Variants in MTHFD2L observed in about 807,000 individuals in gnomAD.
The protein encoded by MTHFD2L is methylenetetrahydrofolate dehydrogenase (NADP+ dependent) 2 like.
In MTHFD2L, 29 loss-of-function variants were observed where a neutral mutation model predicts 34.9. That is an observed-to-expected ratio of 0.83 (90% CI 0.62 to 1.13). MTHFD2L has a LOEUF of 1.13. Among genes scored for constraint, MTHFD2L ranks in the 50% most tolerant of loss-of-function variants. The pLI is 0.00. For synonymous variants in MTHFD2L, 167 were observed against 155.7 expected, an observed-to-expected ratio of 1.07 and a Z score of -0.54; for missense variants, 481 against 446.5, an observed-to-expected ratio of 1.08 and a Z score of -0.70.
chr4:74,266,806 C>T, intron 6 of MTHFD2L: 1 of 973,742 alleles, frequency 1.0e-6, no homozygotes, highest in African/African-American at 1.8e-5. Flanking sequence ...TGCTAGAATG[C>T]TTAAAGGTTG....
intron 3 of MTHFD2L, among the ~76,000 whole-genome samples, chr4:74,188,582 A>C (rs1480271548): frequency 6.6e-6 from 1 of 151,992 alleles, no homozygotes; most frequent in Non-Finnish European, 1.5e-5. Context: ...AGCTGAGGGG[A>C]TAGGAAAGAG....
intron 1 of MTHFD2L, chr4:74,158,508 A>G (rs1578278157): frequency 6.0e-6 from 1 of 166,134 alleles, no homozygotes; most frequent in South Asian, 2.0e-4. Context: ...CTCTCGCACC[A>G]GAATGTTCCA....
At chr4:74,209,735 A>T (rs1735979983) in intron 5 of MTHFD2L, among the ~76,000 whole-genome samples, 1 of 152,092 alleles carries the variant, frequency 6.6e-6, no homozygotes, top group Non-Finnish European at 1.5e-5. Context: ...GGGTCAAATG[A>T]TATTTCTGGT....
At chr4:74,150,569 A>C in intron 1 of MTHFD2L, among the ~76,000 whole-genome samples, 1 of 152,228 alleles carries the variant, frequency 6.6e-6, no homozygotes. Flanking sequence ...TGTATTATTT[A>C]AACCACTAAA....
At chr4:74,212,306 G>A (rs367822799) in intron 5 of MTHFD2L, among the ~76,000 whole-genome samples, 1 of 151,900 alleles carries the variant, frequency 6.6e-6, no homozygotes, top group African/African-American at 2.4e-5. Flanking sequence ...TTTTAGATCT[G>A]TCCCACTTTC....
intron 6 of MTHFD2L, among the ~76,000 whole-genome samples, chr4:74,229,289 G>A (rs1055670527): frequency 2.0e-5 from 3 of 152,116 alleles, no homozygotes; most frequent in African/African-American, 7.2e-5. Context: ...CATATAACCA[G>A]ACAATAGGAA....
chr4:74,161,232 G>A (rs547196598), intron 1 of MTHFD2L: 7 of 152,222 alleles, frequency 4.6e-5, no homozygotes, highest in East Asian at 3.9e-4. Context: ...AAGTATTCAC[G>A]TCTTTTACCG....
chr4:74,172,382 G>A (rs1239086326), intron 1 of MTHFD2L, among the ~76,000 whole-genome samples: 1 of 152,076 alleles, frequency 6.6e-6, no homozygotes, highest in Non-Finnish European at 1.5e-5. Flanking sequence ...TAAGACAGCA[G>A]AACAAGATTA....
At chr4:74,268,078 A>C in intron 6 of MTHFD2L, 1 of 985,098 alleles carries the variant, frequency 1.0e-6, no homozygotes, top group South Asian at 4.7e-5. Context: ...AAGAAAAAGA[A>C]CAGGAAATGT....
At chr4:74,158,083 G>A (rs1183793875), upstream of MTHFD2L, 6 of 1,532,138 alleles carry the variant, frequency 3.9e-6, no homozygotes, top group South Asian at 6.0e-5. Flanking sequence ...CTCCAGCCGC[G>A]AGGACTGGAG....
chr4:74,254,424 A>T (rs1743723674), intron 6 of MTHFD2L, among the ~76,000 whole-genome samples: 1 of 152,192 alleles, frequency 6.6e-6, no homozygotes, highest in African/African-American at 2.4e-5. Context: ...CCCGCATAAG[A>T]TTTCTCAGCA....
chr4:74,199,893 A>C lies in MTHFD2L; in HGVS notation c.551A>C (p.His184Pro). The C allele has an allele frequency of 1.2e-6, 2 of 1,614,078 alleles. No individual in the cohort carries two copies. Among genetic ancestry groups the C allele is most frequent in the South Asian group, 2.2e-5 (2 of 91,076 alleles). ...ATTGGAAGATTGTGCCTTGATCAGC[A>C]TTCTCTCATACCTGCCACTGCCAGT... ...INIGRLCLDQ[H>P]SLIPATASAV... Residue 184 changes from histidine (H) to proline (P), a missense_variant, in exon 4 of 8, where the codon CAT (histidine) becomes CCT (proline). His to Pro is a moderately conservative substitution (Grantham distance 77). Transcript: ENST00000325278.
intron 7 of MTHFD2L, among the ~76,000 whole-genome samples, chr4:74,288,692 A>G (rs1473577079): frequency 6.6e-6 from 1 of 152,182 alleles, no homozygotes; most frequent in African/African-American, 2.4e-5. Context: ...GGTTTTGGTG[A>G]AATCCTAGTG....
chr4:74,263,821 G>A (rs1744975753), intron 6 of MTHFD2L, among the ~76,000 whole-genome samples: 1 of 151,706 alleles, frequency 6.6e-6, no homozygotes, highest in African/African-American at 2.4e-5. Context: ...TCTTTCTCTT[G>A]CCTGCATAAT....
At chr4:74,283,935 A>G (rs897200001) in intron 7 of MTHFD2L, among the ~76,000 whole-genome samples, 1 of 152,194 alleles carries the variant, frequency 6.6e-6, no homozygotes, top group Non-Finnish European at 1.5e-5. Flanking sequence ...AGGAATTTTA[A>G]GATGGGTTAT....
At chr4:74,182,746 T>C (rs1031558478) in intron 3 of MTHFD2L, 2 of 152,166 alleles carry the variant, frequency 1.3e-5, no homozygotes, top group Admixed American at 1.3e-4. Context: ...ATGTGACTAC[T>C]GGACAATAGA....
chr4:74,180,634 G>C (rs1053623918), intron 3 of MTHFD2L: 1 of 415,848 alleles, frequency 2.4e-6, no homozygotes, highest in African/African-American at 2.0e-5. Context: ...ATAGAATTCT[G>C]TCCTGTTTAA....
At chr4:74,197,941 G>A (rs997519265) in intron 3 of MTHFD2L, among the ~76,000 whole-genome samples, 1 of 152,108 alleles carries the variant, frequency 6.6e-6, no homozygotes, top group Non-Finnish European at 1.5e-5. Context: ...ACATAAAAAT[G>A]ATAAATGAAT....
At chr4:74,272,789 T>G (rs1285160495) in intron 6 of MTHFD2L, among the ~76,000 whole-genome samples, 1 of 152,196 alleles carries the variant, frequency 6.6e-6, no homozygotes, top group Admixed American at 6.6e-5. Context: ...CTTAAGGTCA[T>G]TCACAAGAAA....
Sources: gnomAD v4.1 joint callset for allele counts (sites outside exome capture counted in the v4.1 genomes callset) on GRCh38, gnomAD v4.1.1 for gene constraint, MANE v1.5 for transcripts, NCBI Gene and HGNC (gene_info 2026-07-23, HGNC 2026-07-21) for gene names.